Variants in BRIP1 observed in about 807,000 individuals in gnomAD.
BRIP1 encodes Fanconi anemia group J protein.
Under a neutral mutation model 119.7 loss-of-function variants are expected in BRIP1, and 88 were observed. That is an observed-to-expected ratio of 0.74 (90% CI 0.62 to 0.88). The LOEUF is 0.88. Ranked by LOEUF, BRIP1 falls within the 40% of genes least tolerant of loss-of-function variation. BRIP1 has a pLI of 0.00. For synonymous variants in BRIP1, 443 were observed against 496.5 expected, an observed-to-expected ratio of 0.89 and a Z score of 1.43; for missense variants, 1,259 against 1,455.4, an observed-to-expected ratio of 0.87 and a Z score of 2.20.
chr17:61,683,621 G>C lies in BRIP1; in HGVS notation c.3425C>G (p.Thr1142Arg), dbSNP rs1279318199. 1 of 1,611,970 alleles carries C rather than the reference G, an allele frequency of 6.2e-7. No homozygotes were observed. Among genetic ancestry groups the C allele is most frequent in the Non-Finnish European group, 8.5e-7 (1 of 1,179,832 alleles). The change falls in exon 20 of 20, where the codon ACA becomes AGA. Residue 1142 changes from threonine to arginine, a missense_variant. Physicochemically the swap from Thr to Arg is moderately conservative, Grantham distance 71. Around this residue, in one of 3 missense-constraint regions of BRIP1, gnomAD observed 753 missense variants for 891.8 expected, o/e 0.84. Coordinates refer to ENST00000259008, the MANE Select transcript of BRIP1 (RefSeq NM_032043.3). This position sits in a 1 kb window ranked among gnomAD's most constrained non-coding sequence, Gnocchi z 4.7. ...FTPELYDPED[T>R]DEEKNDLAET... ...AGCTAGGTCATTTTTTTCTTCATCT[G>C]TATCTTCAGGATCATAAAGTTCAGG...
intron 17 of BRIP1, among the ~76,000 whole-genome samples, chr17:61,714,074 G>A (rs1380392140): frequency 1.3e-5 from 2 of 152,144 alleles, no homozygotes; most frequent in Non-Finnish European, 2.9e-5. Context: ...TACTTGGGAG[G>A]CTAAGGTGAG....
At chr17:61,782,398 A>AAG (rs2077637363) in intron 11 of BRIP1, among the ~76,000 whole-genome samples, 1 of 151,188 alleles carries the variant, frequency 6.6e-6, no homozygotes, top group South Asian at 2.1e-4. Flanking sequence ...GAAAAAAAAA[A>AAG]AAAAAAAGGA....
rs761017296 is a variant in BRIP1 at position 61,801,322 on chromosome 17, T to C, written c.1071A>G (p.Glu357=). ...LKACPYYTAR[E]LIQDADIIFC... ...ATATGATGTCAGCATCTTGTATTAG[T>C]TCTCGGGCTGTGTAATATGGACAGG... is the stretch of plus-strand genomic sequence containing the variant. Residue 357 remains glutamate (E), a synonymous_variant, in exon 8 of 20, where the codon GAA becomes GAG. Transcript: ENST00000259008. The C allele has an allele frequency of 5.6e-6, 9 of 1,614,086 alleles. No homozygotes were observed. Among genetic ancestry groups the C allele is most frequent in the Non-Finnish European group, 7.6e-6 (9 of 1,179,956 alleles).
chr17:61,684,272 C>A lies in BRIP1; in HGVS notation c.2906-132G>T, dbSNP rs1000798999. The stretch of plus-strand genomic sequence containing the variant: ...CATAACTTAGAGCCCCCAACGAATA[C>A]TAGTGGATTTTCATCTTGGAACAGA... On this transcript the variant is annotated intron_variant, in intron 19 of 19. Coordinates refer to ENST00000259008, the MANE Select transcript of BRIP1 (RefSeq NM_032043.3). The surrounding 1 kb of genome is among the most constrained non-coding windows in gnomAD (Gnocchi z 4.5). 9.8e-6 allele frequency: 10 copies of A among 1,018,872 alleles called. No homozygotes were observed. The highest frequency in any genetic ancestry group is 1.4e-5 in the Non-Finnish European group (10 of 714,258). The allele number at this position is 1,018,872 out of a possible 1,614,324, so 63.1% of individuals were successfully genotyped here.
chr17:61,862,649 A>G lies in BRIP1; in HGVS notation c.-31+635T>C, dbSNP rs2078987494. 1.3e-5 allele frequency among the ~76,000 whole-genome samples: 2 copies of G among 152,224 alleles called. No homozygotes were observed. Among genetic ancestry groups the G allele is most frequent in the African/African-American group, 2.4e-5 (1 of 41,452 alleles). ...CATAGATTTCTCTTCCCGTAAATAT[A>G]TCTCAAGGAAATCAAAATAGCGGGG... On this transcript the variant is annotated intron_variant, in intron 1 of 19. Transcript: ENST00000259008. This position sits in a 1 kb window ranked among gnomAD's most constrained non-coding sequence, Gnocchi z 5.3.
At chr17:61,791,500 A>AG (rs1159256927) in intron 10 of BRIP1, among the ~76,000 whole-genome samples, 1 of 148,682 alleles carries the variant, frequency 6.7e-6, no homozygotes, top group East Asian at 1.9e-4. Flanking sequence ...AAAAAAAAAA[A>AG]AAAAAAAAAA....
Position 61,683,945 on chromosome 17 carries a change from G to A in BRIP1, c.3101C>T (p.Pro1034Leu), listed in dbSNP as rs1199923024. The change falls in exon 20 of 20, where the codon CCC becomes CTC. Residue 1034 changes from proline (P) to leucine (L), a missense_variant. Transcript: ENST00000259008. This position sits in a 1 kb window ranked among gnomAD's most constrained non-coding sequence, Gnocchi z 4.7. ...TTCCATCTTCTCTGTTTTGAAACGG[G>A]GAGGACTAGAGGCACTATTCTCTGA... Reference protein sequence around the residue: ...GSSENSASSPPRFKTEKMESK... With the variant: ...GSSENSASSPLRFKTEKMESK... 4.3e-6 allele frequency: 7 copies of A among 1,614,024 alleles called. No homozygotes were observed. The highest frequency in any genetic ancestry group is 8.5e-7 in the Non-Finnish European group (1 of 1,180,020).
Position 61,861,386 on chromosome 17 carries a change from T to C in BRIP1, c.93+61A>G, listed in dbSNP as rs1013364760. Reference sequence around the variant, plus strand: ...TATGAATGCAGTCAAATACTCAATGTACTTTATGGGTCATAAGTATCTATA... The same window carrying C: ...TATGAATGCAGTCAAATACTCAATGCACTTTATGGGTCATAAGTATCTATA... On this transcript the variant is annotated intron_variant, in intron 2 of 19. Coordinates refer to ENST00000259008, the MANE Select transcript of BRIP1 (RefSeq NM_032043.3). This position sits in a 1 kb window ranked among gnomAD's most constrained non-coding sequence, Gnocchi z 4.5. The C allele has an allele frequency of 8.2e-6, 9 of 1,092,816 alleles. No individual in the cohort carries two copies. The African/African-American group carries it at 1.4e-4, about 17-fold the overall frequency. 67.7% of individuals were successfully genotyped at this position (1,092,816 alleles called of 1,614,324 possible). A position where few individuals can be genotyped will look rare whatever the true frequency, so the allele number is the denominator to read the frequency against.
rs2077992477 is a variant in BRIP1 at position 61,801,426 on chromosome 17, G to A, written c.967C>T (p.His323Tyr). The change falls in exon 8 of 20, where the codon CAC (histidine) becomes TAC (tyrosine). Residue 323 changes from histidine (H) to tyrosine (Y), a missense_variant. Coordinates refer to ENST00000259008, the MANE Select transcript of BRIP1 (RefSeq NM_032043.3). Reference protein sequence around the residue: ...YHGVHKISDQHTLQTFQGMCK... With the variant: ...YHGVHKISDQYTLQTFQGMCK... ...ATCCCTTGGAAAGTCTGTAATGTGT[G>A]CTGATCACTAATTTTATGAACTCCA... 1 of 1,613,780 alleles carries A rather than the reference G, an allele frequency of 6.2e-7. No individual in the cohort carries two copies. The highest frequency in any genetic ancestry group is 8.5e-7 in the Non-Finnish European group (1 of 1,179,790).
rs7223095 is a variant in BRIP1, at chr17:61,767,618, T to C, written c.2097+8783A>G. On this transcript the variant is annotated intron_variant, in intron 14 of 19. Coordinates refer to ENST00000259008, the MANE Select transcript of BRIP1 (RefSeq NM_032043.3). This position sits in a 1 kb window ranked among gnomAD's most constrained non-coding sequence, Gnocchi z 5.7. ...CTTTCTTTTTGATTTTTAGTAGAGA[T>C]GAGGTTTCACCATGTTGCCCAACCT... is the stretch of plus-strand genomic sequence containing the variant. Among the ~76,000 whole-genome samples, 150,491 of 152,178 alleles carry C rather than the reference T, an allele frequency of 0.99. 74,433 individuals carry two copies. Among genetic ancestry groups the C allele is most frequent in the East Asian group, 1 (5,162 of 5,162 alleles).
rs548252507 is a variant in BRIP1, at chr17:61,759,900, A to C, written c.2098-15309T>G. On this transcript the variant is annotated intron_variant, in intron 14 of 19. Coordinates refer to ENST00000259008, the MANE Select transcript of BRIP1 (RefSeq NM_032043.3). The surrounding 1 kb of genome is among the most constrained non-coding windows in gnomAD (Gnocchi z 4.9). Reference sequence around the variant, plus strand: ...ACCTTTAATTTATGAAAAAAAAAAAACCCAGAATATTTGCAAAGTGCGATA... The same window carrying C: ...ACCTTTAATTTATGAAAAAAAAAAACCCCAGAATATTTGCAAAGTGCGATA... Among the ~76,000 whole-genome samples the C allele has an allele frequency of 1.7e-4, 25 of 149,344 alleles. 1 individual carries two copies. The highest frequency in any genetic ancestry group is 4.8e-4 in the African/African-American group (20 of 41,294).
chr17:61,856,587 T>G lies in BRIP1; in HGVS notation c.379+471A>C, dbSNP rs762299880. Among the ~76,000 whole-genome samples the G allele has an allele frequency of 2.0e-5, 3 of 152,174 alleles. No individual in the cohort carries two copies. The highest frequency in any genetic ancestry group is 4.4e-5 in the Non-Finnish European group (3 of 68,026). On this transcript the variant is annotated intron_variant, in intron 4 of 19. Coordinates refer to ENST00000259008, the MANE Select transcript of BRIP1 (RefSeq NM_032043.3). The surrounding 1 kb of genome is among the most constrained non-coding windows in gnomAD (Gnocchi z 5.1). ...ATTAATAATCTTATGTTACTCTTAA[T>G]GTATTTCTCTAAAATTAGTAAAAAT...
Position 61,684,387 on chromosome 17 carries a change from G to A in BRIP1, c.2906-247C>T, listed in dbSNP as rs1228149222. Among the ~76,000 whole-genome samples the A allele has an allele frequency of 6.6e-6, 1 of 152,122 alleles. No homozygotes were observed. Among genetic ancestry groups the A allele is most frequent in the Non-Finnish European group, 1.5e-5 (1 of 68,016 alleles). ...GTAAACTATCAAATTCCACAGCAGG[G>A]AGCTCAAGAATGAATGAGGAAAGAA... is the stretch of plus-strand genomic sequence containing the variant. On this transcript the variant is annotated intron_variant, in intron 19 of 19. Transcript: ENST00000259008. The surrounding 1 kb of genome is among the most constrained non-coding windows in gnomAD (Gnocchi z 4.5).
chr17:61,739,597 G>A lies in BRIP1; in HGVS notation c.2379+3416C>T, dbSNP rs2076961145. Among the ~76,000 whole-genome samples, 1 of 152,072 alleles carries A rather than the reference G, an allele frequency of 6.6e-6. No homozygotes were observed. The highest frequency in any genetic ancestry group is 2.4e-5 in the African/African-American group (1 of 41,404). On this transcript the variant is annotated intron_variant, in intron 16 of 19. Coordinates refer to ENST00000259008, the MANE Select transcript of BRIP1 (RefSeq NM_032043.3). This position sits in a 1 kb window ranked among gnomAD's most constrained non-coding sequence, Gnocchi z 6.0. Reference sequence around the variant, plus strand: ...GTTAATGTTACCTAAAGACTGCTACGGACTAGAAAAATAAAAGAAAAATTA... The same window carrying A: ...GTTAATGTTACCTAAAGACTGCTACAGACTAGAAAAATAAAAGAAAAATTA...
At position 61,744,608 on chromosome 17, in the gene BRIP1, A is replaced by T. The variant is rs1555591574; in HGVS notation, c.2098-17T>A. On this transcript the variant is annotated splice_polypyrimidine_tract_variant and intron_variant, in intron 14 of 19. Transcript: ENST00000259008. This position sits in a 1 kb window ranked among gnomAD's most constrained non-coding sequence, Gnocchi z 5.0. ...TTCTAATAACTAAAGAGGGGAAAGA[A>T]AAAAATGATTTTTTGTGTGTCTAGC... is the stretch of plus-strand genomic sequence containing the variant. 2 of 1,609,644 alleles carry T rather than the reference A, an allele frequency of 1.2e-6. No individual in the cohort carries two copies. The highest frequency in any genetic ancestry group is 1.7e-6 in the Non-Finnish European group (2 of 1,176,046).
chr17:61,723,877 T>C (rs985114839), intron 16 of BRIP1, among the ~76,000 whole-genome samples: 8 of 152,168 alleles, frequency 5.3e-5, no homozygotes, highest in Non-Finnish European at 1.2e-4. Context: ...GCCCTTACTG[T>C]GGCTTAAAAT....
chr17:61,706,552 G>A lies in BRIP1; in HGVS notation c.2492+9399C>T, dbSNP rs114124709. 5.5e-3 allele frequency among the ~76,000 whole-genome samples: 836 copies of A among 152,168 alleles called. 4 individuals carry two copies. Among genetic ancestry groups the A allele is most frequent in the African/African-American group, 0.019 (803 of 41,514 alleles). On this transcript the variant is annotated intron_variant, in intron 17 of 19. Coordinates refer to ENST00000259008, the MANE Select transcript of BRIP1 (RefSeq NM_032043.3). The surrounding 1 kb of genome is among the most constrained non-coding windows in gnomAD (Gnocchi z 5.7). ...ACAATTACTTTCAATATTTTAGGTAGATCTTCTGGTTATTTATCTCCATAT... is the reference window on the plus strand; with the variant it reads ...ACAATTACTTTCAATATTTTAGGTAAATCTTCTGGTTATTTATCTCCATAT...
chr17:61,792,323 T>C (rs1202483132), intron 10 of BRIP1, among the ~76,000 whole-genome samples: 2 of 152,216 alleles, frequency 1.3e-5, no homozygotes, highest in Non-Finnish European at 2.9e-5. Context: ...ACAACAATTG[T>C]GTTCCTAAGT....
In BRIP1 at chr17:61,708,814, A is replaced by AT. The variant is rs1278488978; in HGVS notation, c.2492+7136dup. ...GCAGGAACTGGGCCAATTTGTAGATATTTTCTCATGGGGTGGTCAGTTTCC... is the reference window on the plus strand; with the variant it reads ...GCAGGAACTGGGCCAATTTGTAGATATTTTTCTCATGGGGTGGTCAGTTTCC... On this transcript the variant is annotated intron_variant, in intron 17 of 19. Coordinates refer to ENST00000259008, the MANE Select transcript of BRIP1 (RefSeq NM_032043.3). The surrounding 1 kb of genome is among the most constrained non-coding windows in gnomAD (Gnocchi z 4.4). Among the ~76,000 whole-genome samples the AT allele has an allele frequency of 6.6e-6, 1 of 151,950 alleles. No individual in the cohort carries two copies. The highest frequency in any genetic ancestry group is 1.5e-5 in the Non-Finnish European group (1 of 67,994).
Sources: gnomAD v4.1 joint callset for allele counts (sites outside exome capture counted in the v4.1 genomes callset) on GRCh38, gnomAD v4.1.1 for gene constraint, gnomAD v4.1.1 regional missense constraint, Gnocchi (gnomAD v3.1) non-coding constraint, MANE v1.5 for transcripts, NCBI Gene and HGNC (gene_info 2026-07-23, HGNC 2026-07-21) for gene names.